CNTNAP2: variants seen among roughly 807,000 people sequenced by gnomAD.
The protein encoded by CNTNAP2 is contactin-associated protein-like 2.
In CNTNAP2, 98 loss-of-function variants were observed where a neutral mutation model predicts 155.2. The ratio of observed to expected loss-of-function variants is 0.63; its 90% CI spans 0.54 to 0.75. The LOEUF (loss-of-function observed/expected upper bound fraction) is 0.75. Among genes scored for constraint, CNTNAP2 ranks in the 30% least tolerant of loss-of-function variants. CNTNAP2 has a pLI of 0.00. For missense variants in CNTNAP2, 1,727 were observed against 1,688.1 expected, an observed-to-expected ratio of 1.02 and a Z score of -0.40; for synonymous variants, 651 against 631.2, an observed-to-expected ratio of 1.03 and a Z score of -0.47.
chr7:147,067,397 G>A (rs76933316), intron 4 of CNTNAP2, among the ~76,000 whole-genome samples: 7,984 of 151,868 alleles, frequency 0.053, 534 homozygotes, highest in African/African-American at 0.16. Context: ...TTTTATTGGG[G>A]GTCAGATTTC....
chr7:147,622,918 G>A (rs974216260), intron 12 of CNTNAP2, among the ~76,000 whole-genome samples: 3 of 151,944 alleles, frequency 2.0e-5, no homozygotes, highest in African/African-American at 7.2e-5. Flanking sequence ...TAAAATTGGA[G>A]ATGAAAAAGG....
intron 1 of CNTNAP2, among the ~76,000 whole-genome samples, chr7:146,724,230 TA>T (rs765352072): frequency 2.6e-5 from 4 of 152,178 alleles, no homozygotes; most frequent in Non-Finnish European, 5.9e-5. Context: ...ACTTAAGTCT[TA>T]GGAATATTTT....
At chr7:146,372,974 A>C (rs950742485) in intron 1 of CNTNAP2, among the ~76,000 whole-genome samples, 9 of 152,116 alleles carry the variant, frequency 5.9e-5, no homozygotes, top group African/African-American at 2.2e-4. Flanking sequence ...TACCTGAAAA[A>C]ATCGTGTGAG....
chr7:146,653,681 C>G (rs1799951605), intron 1 of CNTNAP2, among the ~76,000 whole-genome samples: 1 of 152,064 alleles, frequency 6.6e-6, no homozygotes, highest in Admixed American at 6.6e-5. Context: ...TCTTCAGTAC[C>G]CTTGTATCAT....
intron 1 of CNTNAP2, among the ~76,000 whole-genome samples, chr7:146,639,544 C>T (rs1330052741): frequency 6.6e-6 from 1 of 152,168 alleles, no homozygotes; most frequent in Non-Finnish European, 1.5e-5. Context: ...TATTTTCTTA[C>T]CTCTCACTAC....
At chr7:146,894,422 CTG>C (rs1486064229) in intron 3 of CNTNAP2, among the ~76,000 whole-genome samples, 2 of 152,054 alleles carry the variant, frequency 1.3e-5, no homozygotes, top group Non-Finnish European at 2.9e-5. Flanking sequence ...TTTTAAAACT[CTG>C]TGTGTTTTTT....
chr7:147,970,420 G>T (rs1396085086), intron 14 of CNTNAP2, among the ~76,000 whole-genome samples: 1 of 152,050 alleles, frequency 6.6e-6, no homozygotes, highest in Non-Finnish European at 1.5e-5. Flanking sequence ...TTGTTAGGAG[G>T]CAGAAAAGGT....
chr7:148,139,576 T>G (rs1247313899), intron 16 of CNTNAP2, among the ~76,000 whole-genome samples: 1 of 152,070 alleles, frequency 6.6e-6, no homozygotes, highest in Non-Finnish European at 1.5e-5. Context: ...TGGTCTGGAG[T>G]GCAGTGGCGT....
In CNTNAP2 at chr7:147,082,530, T is replaced by C. The variant is rs540755027; in HGVS notation, c.551-25617T>C. 7 of 152,296 alleles carry C rather than the reference T, an allele frequency of 4.6e-5. No individual in the cohort carries two copies. In the South Asian group the frequency reaches 1.4e-3, roughly 32 times the overall value. 9.4% of individuals were successfully genotyped at this position (152,296 alleles called of 1,614,324 possible). The stretch of plus-strand genomic sequence containing the variant: ...AAAGCTGCAATTTGTATCACTAAAG[T>C]AAAGCTCACCTTGCGCTTTCATTGA... On this transcript the variant is annotated intron_variant, in intron 4 of 23. Coordinates refer to ENST00000361727, the MANE Select transcript of CNTNAP2 (RefSeq NM_014141.6).
chr7:147,170,509 G>A (rs532004336), intron 8 of CNTNAP2, among the ~76,000 whole-genome samples: 1 of 152,256 alleles, frequency 6.6e-6, no homozygotes, highest in African/African-American at 2.4e-5. Context: ...CGCCCTTACT[G>A]GGCCAGCTCT....
At chr7:146,314,654 T>C (rs1388683369) in intron 1 of CNTNAP2, among the ~76,000 whole-genome samples, 1 of 152,102 alleles carries the variant, frequency 6.6e-6, no homozygotes, top group African/African-American at 2.4e-5. Context: ...CCAGGTGATT[T>C]AGGAGCCAGT....
intron 1 of CNTNAP2, among the ~76,000 whole-genome samples, chr7:146,123,975 G>A (rs976506753): frequency 3.3e-5 from 5 of 152,036 alleles, no homozygotes; most frequent in African/African-American, 1.2e-4. Context: ...GGAAACCATC[G>A]TTGTCAGCAA....
chr7:146,763,694 A>G (rs1302500238), intron 1 of CNTNAP2, among the ~76,000 whole-genome samples: 1 of 152,216 alleles, frequency 6.6e-6, no homozygotes, highest in African/African-American at 2.4e-5. Flanking sequence ...TCAGTACAGT[A>G]CCATGATTGA....
chr7:146,978,648 G>A (rs1253972932), intron 3 of CNTNAP2, among the ~76,000 whole-genome samples: 2 of 150,466 alleles, frequency 1.3e-5, no homozygotes, highest in African/African-American at 4.9e-5. Flanking sequence ...GCTAAACATG[G>A]GACACAGAAT....
chr7:147,822,190 C>T (rs1198689474), intron 13 of CNTNAP2, among the ~76,000 whole-genome samples: 3 of 152,006 alleles, frequency 2.0e-5, no homozygotes, highest in Admixed American at 6.6e-5. Flanking sequence ...CTATTTTATA[C>T]TCACCTCCCC....
At chr7:148,179,389 C>A (rs1264684153) in intron 18 of CNTNAP2, among the ~76,000 whole-genome samples, 7 of 152,024 alleles carry the variant, frequency 4.6e-5, no homozygotes, top group African/African-American at 1.7e-4. Flanking sequence ...TACCTGCAGT[C>A]CCAGCTACTT....
At chr7:147,939,800 T>C (rs1010213300) in intron 14 of CNTNAP2, among the ~76,000 whole-genome samples, 14 of 151,878 alleles carry the variant, frequency 9.2e-5, no homozygotes, top group Admixed American at 8.5e-4. Context: ...TCTCTCTCTC[T>C]CTCACACACA....
chr7:146,134,805 C>T (rs1057117299), intron 1 of CNTNAP2, among the ~76,000 whole-genome samples: 8 of 151,668 alleles, frequency 5.3e-5, no homozygotes, highest in East Asian at 1.9e-4. Context: ...CTGCTGGATT[C>T]GGTTTGCCAG....
intron 1 of CNTNAP2, among the ~76,000 whole-genome samples, chr7:146,264,259 C>T (rs779642124): frequency 6.6e-5 from 10 of 151,954 alleles, no homozygotes; most frequent in Non-Finnish European, 1.3e-4. Flanking sequence ...GTCTGGCCAA[C>T]GTGATGAAAC....
Sources: gnomAD v4.1 joint callset for allele counts (sites outside exome capture counted in the v4.1 genomes callset) on GRCh38, gnomAD v4.1.1 for gene constraint, MANE v1.5 for transcripts, NCBI Gene and HGNC (gene_info 2026-07-23, HGNC 2026-07-21) for gene names.